RFX3: variants seen among roughly 807,000 people sequenced by gnomAD.
RFX3 encodes regulatory factor X3.
Under a neutral mutation model 98.6 loss-of-function variants are expected in RFX3, and 14 were observed. That is an observed-to-expected ratio of 0.14 (90% CI 0.09 to 0.22). The LOEUF (loss-of-function observed/expected upper bound fraction) is 0.22. RFX3 is among the 10% of genes least tolerant of loss of function. RFX3 has a pLI of 1.00. For missense variants in RFX3, 639 were observed against 926.9 expected (o/e 0.69, Z 4.03); for synonymous variants, 383 against 328.4 (o/e 1.17, Z -1.80).
intron 2 of RFX3, among the ~76,000 whole-genome samples, chr9:3,386,810 A>C (rs1316873829): frequency 6.6e-6 from 1 of 152,198 alleles, no homozygotes; most frequent in African/African-American, 2.4e-5. Context: ...GTAGTAGACA[A>C]GTACATATGT....
At chr9:3,470,729 T>C (rs570287802) in intron 1 of RFX3, among the ~76,000 whole-genome samples, 111 of 152,300 alleles carry the variant, frequency 7.3e-4, no homozygotes, top group African/African-American at 2.4e-3. Flanking sequence ...TGAGAGACAG[T>C]TGCTATCCTT....
chr9:3,499,356 T>C (rs895663991), intron 1 of RFX3, among the ~76,000 whole-genome samples: 7 of 152,046 alleles, frequency 4.6e-5, no homozygotes, highest in Non-Finnish European at 8.8e-5. Flanking sequence ...AAAAAATTAT[T>C]TTAAAAATCA....
intron 1 of RFX3, among the ~76,000 whole-genome samples, chr9:3,473,576 T>C (rs1350398277): frequency 6.6e-6 from 1 of 152,178 alleles, no homozygotes; most frequent in Non-Finnish European, 1.5e-5. Context: ...TAAACCCACA[T>C]TGTTCATTTC....
Position 3,421,690 on chromosome 9 carries a change from CG to C in RFX3, c.-8-26095del, listed in dbSNP as rs149810557. 7.0e-3 allele frequency among the ~76,000 whole-genome samples: 1,059 copies of C among 152,244 alleles called. 9 individuals are homozygous for C. The highest frequency in any genetic ancestry group is 0.024 in the African/African-American group (1,008 of 41,546). On this transcript the variant is annotated intron_variant, in intron 1 of 16. Transcript: ENST00000617270. Reference sequence around the variant, plus strand: ...GATGGACAAATCAAAGCATGGAGCTCGTTTATTGTCTTTGTAGGTAGAGTTG... The same window carrying C: ...GATGGACAAATCAAAGCATGGAGCTCTTTATTGTCTTTGTAGGTAGAGTTG...
chr9:3,483,913 G>A (rs564957533), intron 1 of RFX3, among the ~76,000 whole-genome samples: 8 of 152,122 alleles, frequency 5.3e-5, no homozygotes, highest in East Asian at 1.9e-4. Context: ...ATGGAGTAAC[G>A]AAACAAGTTC....
chr9:3,422,368 A>G (rs1843523031), intron 1 of RFX3, among the ~76,000 whole-genome samples: 1 of 152,194 alleles, frequency 6.6e-6, no homozygotes, highest in Non-Finnish European at 1.5e-5. Flanking sequence ...GGAAGTTCAC[A>G]TGTGTGTGTA....
chr9:3,342,439 C>G (rs1183340910), intron 3 of RFX3, among the ~76,000 whole-genome samples: 1 of 152,096 alleles, frequency 6.6e-6, no homozygotes, highest in Non-Finnish European at 1.5e-5. Flanking sequence ...ACTACTAGAA[C>G]AGATATCCAT....
intron 7 of RFX3, among the ~76,000 whole-genome samples, chr9:3,286,140 T>C (rs1826568646): frequency 6.6e-6 from 1 of 151,866 alleles, no homozygotes; most frequent in South Asian, 2.1e-4. Flanking sequence ...ACTTTCTTTT[T>C]CTTGATTTCA....
chr9:3,296,721 G>C (rs1338176792), intron 5 of RFX3, among the ~76,000 whole-genome samples: 2 of 152,184 alleles, frequency 1.3e-5, no homozygotes, highest in East Asian at 3.9e-4. Flanking sequence ...AGCAGGTTGA[G>C]AGAGAATAAG....
At chr9:3,519,820 T>A (rs185896419) in intron 1 of RFX3, among the ~76,000 whole-genome samples, 32 of 152,244 alleles carry the variant, frequency 2.1e-4, no homozygotes, top group African/African-American at 6.5e-4. Flanking sequence ...AAGAACACTC[T>A]GCATTTGATA....
chr9:3,296,839 C>A (rs922867781), intron 5 of RFX3, among the ~76,000 whole-genome samples: 4 of 152,034 alleles, frequency 2.6e-5, no homozygotes, highest in Non-Finnish European at 4.4e-5. Context: ...CGGGCTAGAT[C>A]GCCTAGAAAT....
At chr9:3,282,676 A>T (rs1419766667) in intron 7 of RFX3, among the ~76,000 whole-genome samples, 1 of 151,814 alleles carries the variant, frequency 6.6e-6, no homozygotes, top group African/African-American at 2.4e-5. Context: ...TTAGCTGTAT[A>T]GAACTGATAT....
At chr9:3,436,471 A>T (rs1157676143) in intron 1 of RFX3, among the ~76,000 whole-genome samples, 2 of 152,078 alleles carry the variant, frequency 1.3e-5, no homozygotes, top group South Asian at 4.1e-4. Flanking sequence ...TATTTTTAGT[A>T]AAAAGATAAA....
At chr9:3,320,768 CATATATATATATATATATATATATATA>C (rs1367590138) in intron 4 of RFX3, among the ~76,000 whole-genome samples, 23 of 85,892 alleles carry the variant, frequency 2.7e-4, no homozygotes, top group Non-Finnish European at 5.0e-4. Flanking sequence ...TGCTACATAG[CATATATATATATATATATATATATATA>C]TATATATATA....
chr9:3,456,627 T>A (rs529594583), intron 1 of RFX3, among the ~76,000 whole-genome samples: 11 of 152,320 alleles, frequency 7.2e-5, no homozygotes, highest in Non-Finnish European at 1.3e-4. Flanking sequence ...ATTTCAACCA[T>A]CCATTAATTT....
chr9:3,523,149 A>G (rs1587931886), intron 1 of RFX3, among the ~76,000 whole-genome samples: 5 of 152,362 alleles, frequency 3.3e-5, no homozygotes, highest in Admixed American at 3.3e-4. Flanking sequence ...GTTAGGCATT[A>G]TGACATACAT....
At chr9:3,313,703 G>A (rs1034479614) in intron 4 of RFX3, among the ~76,000 whole-genome samples, 1 of 152,178 alleles carries the variant, frequency 6.6e-6, no homozygotes, top group African/African-American at 2.4e-5. Context: ...TGAAAACCAT[G>A]GCATGAGAAC....
chr9:3,489,277 G>T, intron 1 of RFX3: 1 of 194,206 alleles, frequency 5.1e-6, no homozygotes, highest in Non-Finnish European at 9.4e-6. Context: ...AAAGACCAAT[G>T]ATGACAGCTT....
Position 3,516,793 on chromosome 9 carries a change from A to C in RFX3, c.-9+8954T>G, listed in dbSNP as rs1404028525. ...ACTCGGGAAATTATGTCCTGTTTTAAATATCTCATTGGTGAGCAACAGACA... is the reference window on the plus strand; with the variant it reads ...ACTCGGGAAATTATGTCCTGTTTTACATATCTCATTGGTGAGCAACAGACA... On this transcript the variant is annotated intron_variant, in intron 1 of 16. Transcript: ENST00000617270. 3.9e-5 allele frequency among the ~76,000 whole-genome samples: 6 copies of C among 152,032 alleles called. No homozygotes were observed. The East Asian group carries it at 1.2e-3, about 29-fold the overall frequency.
Sources: allele counts gnomAD v4.1 joint callset (sites outside exome capture counted in the v4.1 genomes callset), GRCh38; gene constraint gnomAD v4.1.1; transcripts MANE v1.5; gene names NCBI Gene and HGNC (gene_info 2026-07-23, HGNC 2026-07-21).